AGBL1: variants seen among roughly 807,000 people sequenced by gnomAD.
AGBL1 encodes the protein AGBL carboxypeptidase 1, also known as cytosolic carboxypeptidase 4.
AGBL1 carries 130 observed loss-of-function variants against 118.9 expected under a neutral mutation model. The ratio of observed to expected loss-of-function variants is 1.09; its 90% CI spans 0.95 to 1.26. The LOEUF is 1.26. Ranked by LOEUF, AGBL1 falls within the 50% of genes most tolerant of loss-of-function variation. AGBL1 has a pLI of 0.00. For synonymous variants in AGBL1, 555 were observed against 478.9 expected, an observed-to-expected ratio of 1.16 and a Z score of -2.08; for missense variants, 1,584 against 1,298.1, an observed-to-expected ratio of 1.22 and a Z score of -3.38.
At chr15:86,719,409 A>C (rs890982011) in intron 22 of AGBL1, among the ~76,000 whole-genome samples, 4 of 152,196 alleles carry the variant, frequency 2.6e-5, no homozygotes, top group African/African-American at 9.7e-5. Flanking sequence ...GAAAACATCC[A>C]CTAATCTAAA....
chr15:86,718,251 A>G (rs905215798), intron 22 of AGBL1, among the ~76,000 whole-genome samples: 1 of 151,960 alleles, frequency 6.6e-6, no homozygotes, highest in Admixed American at 6.5e-5. Flanking sequence ...ACATGGATGA[A>G]GCTGGAAACA....
intron 23 of AGBL1, among the ~76,000 whole-genome samples, chr15:86,969,356 G>C (rs1047687428): frequency 6.6e-6 from 1 of 151,966 alleles, no homozygotes; most frequent in Non-Finnish European, 1.5e-5. Context: ...TCCAACTTGA[G>C]TTGTTGCAAG....
At chr15:86,748,974 G>A (rs1189797843) in intron 22 of AGBL1, among the ~76,000 whole-genome samples, 1 of 152,044 alleles carries the variant, frequency 6.6e-6, no homozygotes, top group Non-Finnish European at 1.5e-5. Flanking sequence ...TTTTGCTTAG[G>A]ATTGTCTTGG....
intron 5 of AGBL1, among the ~76,000 whole-genome samples, chr15:86,163,646 C>T (rs1219002726): frequency 7.3e-5 from 11 of 151,714 alleles, no homozygotes; most frequent in African/African-American, 2.4e-4. Context: ...GAGAATCACT[C>T]AAACCCAGGA....
chr15:86,437,235 AT>A (rs1434798328), intron 18 of AGBL1, among the ~76,000 whole-genome samples: 1 of 152,220 alleles, frequency 6.6e-6, no homozygotes, highest in Non-Finnish European at 1.5e-5. Flanking sequence ...AATTCTAAAT[AT>A]CTTGGTGTTG....
chr15:86,552,093 T>C (rs2083671197), intron 20 of AGBL1, among the ~76,000 whole-genome samples: 1 of 152,174 alleles, frequency 6.6e-6, no homozygotes, highest in Non-Finnish European at 1.5e-5. Context: ...ACCCATAAGA[T>C]GTACAACACC....
chr15:86,433,263 C>CTTTTTT (rs1292975189), intron 18 of AGBL1, among the ~76,000 whole-genome samples: 9 of 54,924 alleles, frequency 1.6e-4, no homozygotes, highest in Admixed American at 4.2e-4. Context: ...CCTCCTCCTT[C>CTTTTTT]TTCTTTTTTT....
At chr15:86,757,814 C>T (rs2077963701) in intron 22 of AGBL1, among the ~76,000 whole-genome samples, 1 of 152,054 alleles carries the variant, frequency 6.6e-6, no homozygotes, top group African/African-American at 2.4e-5. Flanking sequence ...TATGAGTGCT[C>T]CTGCCGTGGC....
chr15:86,109,962 A>G (rs1324161675), intron 1 of AGBL1: 1 of 152,156 alleles, frequency 6.6e-6, no homozygotes, highest in Non-Finnish European at 1.5e-5. Flanking sequence ...CAAGCTAAAT[A>G]GATCCTCAAC....
chr15:86,898,384 T>C (rs1460127746), intron 22 of AGBL1, among the ~76,000 whole-genome samples: 2 of 152,132 alleles, frequency 1.3e-5, no homozygotes, highest in Non-Finnish European at 2.9e-5. Flanking sequence ...TTTTTGTATA[T>C]AGTGTAAAGA....
chr15:86,976,759 CAA>C lies in AGBL1; in HGVS notation c.3222-11224_3222-11223del, dbSNP rs1236992647. ...TTTTAAATTCGTATCTTTTTTATTA[CAA>C]AAAGAGTGGAATTTATACATAAACA... On this transcript the variant is annotated intron_variant, in intron 23 of 24. Transcript: ENST00000441037. Among the ~76,000 whole-genome samples, 6 of 151,736 alleles carry C rather than the reference CAA, an allele frequency of 4.0e-5. No homozygotes were observed. In the East Asian group the frequency reaches 9.7e-4, roughly 24 times the overall value.
intron 21 of AGBL1, among the ~76,000 whole-genome samples, chr15:86,561,536 A>G (rs1042205576): frequency 4.6e-5 from 7 of 152,306 alleles, no homozygotes; most frequent in Non-Finnish European, 7.3e-5. Context: ...TACCAGTACC[A>G]TGCTGTTTTT....
At chr15:86,451,835 A>C (rs2082197347) in intron 18 of AGBL1, among the ~76,000 whole-genome samples, 1 of 151,996 alleles carries the variant, frequency 6.6e-6, no homozygotes, top group Non-Finnish European at 1.5e-5. Flanking sequence ...TGTAAAATTA[A>C]ACTTCCCAAA....
chr15:86,952,618 C>T (rs1482428362), intron 23 of AGBL1, among the ~76,000 whole-genome samples: 1 of 152,004 alleles, frequency 6.6e-6, no homozygotes, highest in Non-Finnish European at 1.5e-5. Context: ...GAAATATTTT[C>T]TCCCATCCTG....
chr15:86,605,765 G>GTA (rs2084567132), intron 21 of AGBL1, among the ~76,000 whole-genome samples: 1 of 151,748 alleles, frequency 6.6e-6, no homozygotes, highest in South Asian at 2.1e-4. Context: ...GTGTGTGTGT[G>GTA]TGTATGTGTG....
intron 24 of AGBL1, among the ~76,000 whole-genome samples, chr15:87,002,451 G>C (rs916131859): frequency 6.6e-6 from 1 of 151,886 alleles, no homozygotes; most frequent in Non-Finnish European, 1.5e-5. Context: ...GGATTGACTT[G>C]GCAATGTGGG....
chr15:86,643,024 T>C lies in AGBL1; in HGVS notation c.2995-31249T>C, dbSNP rs566340346. On this transcript the variant is annotated intron_variant, in intron 21 of 22. Coordinates refer to ENST00000614907, the MANE Select transcript of AGBL1 (RefSeq NM_001386094.1). ...ATTATATGACATCAATGACTTGGTT[T>C]CTTTTTACATCTCAATTCTGACTTC... is the stretch of plus-strand genomic sequence containing the variant. Among the ~76,000 whole-genome samples, 24 of 152,292 alleles carry C rather than the reference T, an allele frequency of 1.6e-4. No homozygotes were observed. The East Asian group carries it at 4.2e-3, about 27-fold the overall frequency.
chr15:86,956,490 A>G (rs2080933176), intron 23 of AGBL1, among the ~76,000 whole-genome samples: 1 of 152,036 alleles, frequency 6.6e-6, no homozygotes, highest in South Asian at 2.1e-4. Context: ...GATCTTGCAT[A>G]CTTGAGTGTA....
chr15:86,625,387 T>C lies in AGBL1; in HGVS notation c.2995-48886T>C, dbSNP rs997745367. Reference sequence around the variant, plus strand: ...AGCGTTTTTTTTTTTTTGTTTTTGTTTTTTTTTTTTTTTACAAACACAGAA... The same window carrying C: ...AGCGTTTTTTTTTTTTTGTTTTTGTCTTTTTTTTTTTTTACAAACACAGAA... On this transcript the variant is annotated intron_variant, in intron 21 of 22. Coordinates refer to ENST00000614907, the MANE Select transcript of AGBL1 (RefSeq NM_001386094.1). 3.1e-3 allele frequency among the ~76,000 whole-genome samples: 300 copies of C among 96,466 alleles called. 25 individuals carry two copies. The highest frequency in any genetic ancestry group is 0.01 in the African/African-American group (293 of 29,296). The allele number at this position is 96,466 out of a possible 152,430, so 63.3% of individuals were successfully genotyped here. A position where few individuals can be genotyped will look rare whatever the true frequency, so the allele number is the denominator to read the frequency against.
Sources: allele counts gnomAD v4.1 joint callset (sites outside exome capture counted in the v4.1 genomes callset), GRCh38; gene constraint gnomAD v4.1.1; transcripts MANE v1.5; gene names NCBI Gene and HGNC (gene_info 2026-07-23, HGNC 2026-07-21).